The following HECTD4 variants were observed in gnomAD, a reference collection of about 807,000 sequenced individuals.
HECTD4 encodes the protein HECT domain E3 ubiquitin protein ligase 4.
HECTD4 carries 114 observed loss-of-function variants against 471.5 expected under a neutral mutation model. The observed-to-expected ratio is 0.24, with a 90% CI of 0.21 to 0.28. HECTD4 has a LOEUF of 0.28. Ranked by LOEUF, HECTD4 falls within the 10% of genes least tolerant of loss-of-function variation. The pLI, the probability that HECTD4 is intolerant of heterozygous loss-of-function variation, is 1.00. For synonymous variants in HECTD4, 2,012 were observed against 2,256.0 expected (o/e 0.89, Z 3.07); for missense variants, 3,866 against 5,651.5 (o/e 0.68, Z 10.13).
chr12:112,320,214 C>T (rs1376681589), intron 1 of HECTD4, among the ~76,000 whole-genome samples: 1 of 151,802 alleles, frequency 6.6e-6, no homozygotes, highest in South Asian at 2.1e-4. Context: ...GTGCACCTGT[C>T]GTTGCGGCTA....
intron 44 of HECTD4, among the ~76,000 whole-genome samples, chr12:112,222,112 C>T (rs1179238805): frequency 6.6e-6 from 1 of 151,946 alleles, no homozygotes; most frequent in Non-Finnish European, 1.5e-5. Flanking sequence ...TTAGTAGAGA[C>T]GGGGTTTCAC....
intron 1 of HECTD4, among the ~76,000 whole-genome samples, chr12:112,370,626 A>T (rs1279225741): frequency 2.6e-5 from 4 of 152,242 alleles, no homozygotes; most frequent in Non-Finnish European, 4.4e-5. Context: ...CCAAAATTTT[A>T]AAATGGTCTT....
chr12:112,309,738 C>G, intron 4 of HECTD4, 69 bp from the exon 5 acceptor site: 2 of 749,504 alleles, frequency 2.7e-6, no homozygotes, highest in Non-Finnish European at 4.2e-6. Flanking sequence ...CATGCTTTTT[C>G]TAATGAAAAA....
chr12:112,212,804 T>C (rs961524888), intron 48 of HECTD4, among the ~76,000 whole-genome samples, 154 bp from the exon 49 acceptor site: 33 of 152,334 alleles, frequency 2.2e-4, no homozygotes, highest in African/African-American at 7.7e-4. Context: ...TATTTATTTA[T>C]TTATTTATTG....
chr12:112,163,504 C>T lies in HECTD4; in HGVS notation c.12897+38G>A. The T allele has an allele frequency of 6.9e-7, 1 of 1,439,206 alleles. No homozygotes were observed. Among genetic ancestry groups the T allele is most frequent in the East Asian group, 2.5e-5 (1 of 39,296 alleles). The allele number at this position is 1,439,206 out of a possible 1,614,324, so 89.2% of individuals were successfully genotyped here. On this transcript the variant is annotated intron_variant, in intron 74 of 75. Coordinates refer to ENST00000682272, the MANE Select transcript of HECTD4 (RefSeq NM_001388303.1). The surrounding 1 kb of genome is among the most constrained non-coding windows in gnomAD (Gnocchi z 8.2). ...GTGACAGGGAGGCACGCCTGGGGCT[C>T]ACCACCTCCCCGCCCAGCCTGGCCC... is the stretch of plus-strand genomic sequence containing the variant.
intron 22 of HECTD4, among the ~76,000 whole-genome samples, chr12:112,253,512 T>C (rs1473124568): frequency 6.6e-6 from 1 of 152,246 alleles, no homozygotes; most frequent in Non-Finnish European, 1.5e-5. Context: ...GAACAGACTT[T>C]GGAGACATTT....
chr12:112,178,955 T>C lies in HECTD4; in HGVS notation c.11339A>G (p.Asp3780Gly). The C allele has an allele frequency of 6.2e-7, 1 of 1,612,856 alleles. No individual in the cohort carries two copies. The highest frequency in any genetic ancestry group is 8.5e-7 in the Non-Finnish European group (1 of 1,179,690). Residue 3780 changes from aspartate to glycine, a missense_variant, in exon 64 of 76, where the codon GAC (aspartate) becomes GGC (glycine). Transcript: ENST00000682272. ...KRPITKPPAK[D>G]KAVLNSVSRT... The stretch of plus-strand genomic sequence containing the variant: ...CCTGACGCTGTTGAGCACAGCCTTG[T>C]CCTTGGCGGGCGGCTTGGTGATAGG...
chr12:112,369,340 C>CTT (rs763174549), intron 1 of HECTD4, among the ~76,000 whole-genome samples: 72 of 129,224 alleles, frequency 5.6e-4, no homozygotes, highest in African/African-American at 7.4e-4. Flanking sequence ...CCTAGGATTT[C>CTT]TTTTTTTTTT....
At chr12:112,247,988 A>C in intron 27 of HECTD4, 79 bp downstream of exon 27, 2 of 959,584 alleles carry the variant, frequency 2.1e-6, no homozygotes, top group Non-Finnish European at 3.2e-6. Context: ...ACACACACAC[A>C]CACACACACA....
At chr12:112,204,191 C>G (rs1024766576) in intron 53 of HECTD4, among the ~76,000 whole-genome samples, 9 of 152,156 alleles carry the variant, frequency 5.9e-5, no homozygotes, top group African/African-American at 2.2e-4. Flanking sequence ...TACAGGCGTG[C>G]GCCACCAGGC....
At chr12:112,268,868 GTTTTT>G (rs561805261) in intron 13 of HECTD4, among the ~76,000 whole-genome samples, 4 of 65,844 alleles carry the variant, frequency 6.1e-5, no homozygotes, top group African/African-American at 2.7e-4. Flanking sequence ...GTCTGAAAAG[GTTTTT>G]TTTTTTTTTT....
chr12:112,234,398 T>G (rs1456792290), intron 37 of HECTD4, among the ~76,000 whole-genome samples: 1 of 152,154 alleles, frequency 6.6e-6, no homozygotes, highest in Non-Finnish European at 1.5e-5. Flanking sequence ...TCAGTTGCCA[T>G]AATGGCAGAC....
chr12:112,245,471 T>G (rs2033739913), intron 29 of HECTD4, among the ~76,000 whole-genome samples: 1 of 152,192 alleles, frequency 6.6e-6, no homozygotes, highest in Non-Finnish European at 1.5e-5. Context: ...AGGGCTTATG[T>G]GTATAGCAGA....
chr12:112,279,433 GTTAATTTGATTACCAACACAGA>G, intron 8 of HECTD4, 47 bp from the exon 9 acceptor site: 1 of 1,513,234 alleles, frequency 6.6e-7, no homozygotes, highest in Middle Eastern at 1.8e-4. Flanking sequence ...TGACACAAAA[GTTAATTTGATTACCAACACAGA>G]TTAGGATATA....
chr12:112,176,944 C>T (rs908501515), intron 64 of HECTD4, among the ~76,000 whole-genome samples: 1 of 152,226 alleles, frequency 6.6e-6, no homozygotes, highest in African/African-American at 2.4e-5. Flanking sequence ...TTCAAACACT[C>T]TTTCTACATA....
At chr12:112,363,050 A>G (rs771773436) in intron 1 of HECTD4, among the ~76,000 whole-genome samples, 1 of 152,080 alleles carries the variant, frequency 6.6e-6, no homozygotes, top group Non-Finnish European at 1.5e-5. Context: ...TTCCTCTAAC[A>G]TTTTAATTTT....
At chr12:112,178,882 C>T (rs1220790375) in intron 64 of HECTD4, 49 bp downstream of exon 64, 12 of 1,561,240 alleles carry the variant, frequency 7.7e-6, no homozygotes, top group African/African-American at 1.4e-5. Context: ...GGAGGCCTCC[C>T]CCACATCTGC....
In HECTD4 at chr12:112,204,642, C is replaced by T. The variant is rs1379705436; in HGVS notation, c.8132-19G>A. Reference sequence around the variant, plus strand: ...ACCATACCTAAAAAATATAACAGCACAGGGTAACTCCCCAAAGAGTACACA... The same window carrying T: ...ACCATACCTAAAAAATATAACAGCATAGGGTAACTCCCCAAAGAGTACACA... On this transcript the variant is annotated intron_variant, in intron 52 of 75. Coordinates refer to ENST00000682272, the MANE Select transcript of HECTD4 (RefSeq NM_001388303.1). 1.9e-6 allele frequency: 3 copies of T among 1,602,042 alleles called. No homozygotes were observed. Among genetic ancestry groups the T allele is most frequent in the Non-Finnish European group, 2.6e-6 (3 of 1,171,718 alleles).
intron 70 of HECTD4, among the ~76,000 whole-genome samples, chr12:112,168,764 T>C (rs1187371076): frequency 2.0e-5 from 3 of 152,282 alleles, no homozygotes; most frequent in East Asian, 3.9e-4. Context: ...AGTTTCCCTA[T>C]GTGTAGGATG....
Sources: allele counts gnomAD v4.1 joint callset (sites outside exome capture counted in the v4.1 genomes callset), GRCh38; gene constraint gnomAD v4.1.1; non-coding constraint Gnocchi (gnomAD v3.1); transcripts MANE v1.5; gene names NCBI Gene and HGNC (gene_info 2026-07-23, HGNC 2026-07-21).